NEMP2: variants seen among roughly 807,000 people sequenced by gnomAD.
NEMP2 encodes UPF0571 transmembrane protein.
NEMP2 carries 53 observed loss-of-function variants against 54.2 expected under a neutral mutation model. The ratio of observed to expected loss-of-function variants is 0.98; its 90% confidence interval spans 0.78 to 1.23. The LOEUF is 1.23. Ranked by LOEUF, NEMP2 falls within the 50% of genes most tolerant of loss-of-function variation. The probability of loss-of-function intolerance (pLI) is 0.00; values close to 1 mark genes in which losing one functional copy is unlikely to be tolerated. For synonymous variants in NEMP2, 197 were observed against 190.3 expected (o/e 1.04, Z -0.29); for missense variants, 455 against 511.3 (o/e 0.89, Z 1.06).
the NEMP2 span, among the ~76,000 whole-genome samples, chr2:190,602,980 G>A: frequency 1.3e-5 from 2 of 152,276 alleles, no homozygotes; most frequent in East Asian, 3.9e-4. Context: ...GTGGTCACCA[G>A]AGACCATATG....
the NEMP2 span, chr2:190,437,137 A>G: frequency 6.2e-7 from 1 of 1,614,122 alleles, no homozygotes; most frequent in Admixed American, 1.7e-5. The surrounding 1 kb of genome is among the most constrained non-coding windows in gnomAD (Gnocchi z 5.9). Flanking sequence ...GAATTACCAG[A>G]TCGTCTTCAT....
In NEMP2 at chr2:190,531,106, A is replaced by C. The variant is rs1691129364; in HGVS notation, c.97+3453T>G. Among the ~76,000 whole-genome samples, 1 of 152,270 alleles carries C rather than the reference A, an allele frequency of 6.6e-6. No individual in the cohort carries two copies. The highest frequency in any genetic ancestry group is 2.4e-5 in the African/African-American group (1 of 41,470). On this transcript the variant is annotated intron_variant, in intron 1 of 8. Coordinates refer to ENST00000409150, the MANE Select transcript of NEMP2 (RefSeq NM_001142645.2). The surrounding 1 kb of genome is among the most constrained non-coding windows in gnomAD (Gnocchi z 4.7). ...AATCCCCTTACAATGCAATCCAGGA[A>C]ATGAAACAGAATTTCTAGGAATTTT...
chr2:190,436,178 C>T, the NEMP2 span: 5 of 1,614,040 alleles, frequency 3.1e-6, no homozygotes, highest in African/African-American at 1.3e-5. The surrounding 1 kb of genome is among the most constrained non-coding windows in gnomAD (Gnocchi z 5.3). Context: ...TCTGCTATTC[C>T]TGAGGAGGAA....
chr2:190,477,957 C>G, the NEMP2 span, among the ~76,000 whole-genome samples: 1 of 152,120 alleles, frequency 6.6e-6, no homozygotes, highest in Admixed American at 6.5e-5. Flanking sequence ...GGGGGAAGAG[C>G]TGTGTGCGAA....
At chr2:190,587,943 A>G in the NEMP2 span, among the ~76,000 whole-genome samples, 2 of 152,150 alleles carry the variant, frequency 1.3e-5, no homozygotes, top group Non-Finnish European at 2.9e-5. This position sits in a 1 kb window ranked among gnomAD's most constrained non-coding sequence, Gnocchi z 5.4. Flanking sequence ...AGAGACACAC[A>G]TCTACACTGA....
Position 190,523,639 on chromosome 2 carries a change from C to A in NEMP2, c.213+1624G>T, listed in dbSNP as rs1292357300. On this transcript the variant is annotated intron_variant, in intron 2 of 8. Coordinates refer to ENST00000409150, the MANE Select transcript of NEMP2 (RefSeq NM_001142645.2). This position sits in a 1 kb window ranked among gnomAD's most constrained non-coding sequence, Gnocchi z 5.3. ...AAATGTTATGATTCCAGAGCTAAGT[C>A]TATGAAATTACACACGCCTAGAACA... Among the ~76,000 whole-genome samples the A allele has an allele frequency of 6.6e-6, 1 of 152,062 alleles. No individual in the cohort carries two copies. Among genetic ancestry groups the A allele is most frequent in the Non-Finnish European group, 1.5e-5 (1 of 68,026 alleles).
At chr2:190,454,845 T>C in the NEMP2 span, among the ~76,000 whole-genome samples, 1 of 152,120 alleles carries the variant, frequency 6.6e-6, no homozygotes, top group African/African-American at 2.4e-5. This position sits in a 1 kb window ranked among gnomAD's most constrained non-coding sequence, Gnocchi z 4.6. Flanking sequence ...TAGGGACCTA[T>C]GGCCTAACAT....
chr2:190,607,160 C>T, the NEMP2 span, among the ~76,000 whole-genome samples: 1 of 152,048 alleles, frequency 6.6e-6, no homozygotes, highest in African/African-American at 2.4e-5. The surrounding 1 kb of genome is among the most constrained non-coding windows in gnomAD (Gnocchi z 5.2). Flanking sequence ...ATCTTGTCAG[C>T]GGAAACATGA....
At chr2:190,552,039 A>T in the NEMP2 span, among the ~76,000 whole-genome samples, 1 of 152,174 alleles carries the variant, frequency 6.6e-6, no homozygotes, top group African/African-American at 2.4e-5. Flanking sequence ...TCTAGAGAGA[A>T]ATCGTAAGAT....
chr2:190,516,806 T>C (rs1040206190), intron 5 of NEMP2, among the ~76,000 whole-genome samples: 1 of 152,180 alleles, frequency 6.6e-6, no homozygotes, highest in Non-Finnish European at 1.5e-5. Flanking sequence ...TTATTGAAGG[T>C]GTAGCCGGGC....
At chr2:190,642,255 A>G in the NEMP2 span, among the ~76,000 whole-genome samples, 26 of 152,320 alleles carry the variant, frequency 1.7e-4, 2 homozygotes, top group South Asian at 4.8e-3. The surrounding 1 kb of genome is among the most constrained non-coding windows in gnomAD (Gnocchi z 4.1). Flanking sequence ...AGATTGCATT[A>G]TAAGTTCAAA....
intron 6 of NEMP2, among the ~76,000 whole-genome samples, chr2:190,516,030 G>A (rs1690543424): frequency 6.6e-6 from 1 of 151,942 alleles, no homozygotes; most frequent in Non-Finnish European, 1.5e-5. Flanking sequence ...TTCCTCTTTT[G>A]ATCATTACTA....
the NEMP2 span, among the ~76,000 whole-genome samples, chr2:190,443,308 T>A: frequency 6.6e-6 from 1 of 152,210 alleles, no homozygotes; most frequent in Non-Finnish European, 1.5e-5. This position sits in a 1 kb window ranked among gnomAD's most constrained non-coding sequence, Gnocchi z 4.2. Flanking sequence ...TACAGAACTT[T>A]TTGCATCTCT....
chr2:190,486,988 A>G, the NEMP2 span, among the ~76,000 whole-genome samples: 1 of 152,210 alleles, frequency 6.6e-6, no homozygotes. Flanking sequence ...TAAATGGTGA[A>G]GATATAAAAC....
the NEMP2 span, among the ~76,000 whole-genome samples, chr2:190,597,560 G>A: frequency 6.6e-6 from 1 of 152,100 alleles, no homozygotes; most frequent in African/African-American, 2.4e-5. The surrounding 1 kb of genome is among the most constrained non-coding windows in gnomAD (Gnocchi z 4.7). Flanking sequence ...GAAAGGGGTA[G>A]TAGAAAGAAT....
At position 190,507,957 on chromosome 2, in the gene NEMP2, T is replaced by C. The variant is rs943766136; in HGVS notation, c.*1232A>G. ...CTTAGCAACATCTTAACCCTGAGAT[T>C]GTCTTGCCATGTTCAAATCTTTCCT... On this transcript the variant is annotated 3_prime_UTR_variant, in exon 9 of 9. Transcript: ENST00000409150. The surrounding 1 kb of genome is among the most constrained non-coding windows in gnomAD (Gnocchi z 4.4). The C allele has an allele frequency of 4.6e-5, 7 of 152,218 alleles. No individual in the cohort carries two copies. The highest frequency in any genetic ancestry group is 1.7e-4 in the African/African-American group (7 of 41,454). 9.4% of individuals were successfully genotyped at this position (152,218 alleles called of 1,614,324 possible).
chr2:190,572,915 G>T, the NEMP2 span, among the ~76,000 whole-genome samples: 1 of 137,000 alleles, frequency 7.3e-6, no homozygotes, highest in South Asian at 2.4e-4. Flanking sequence ...CCCTTAGGAT[G>T]AATTCCCAGA....
chr2:190,637,001 T>A, the NEMP2 span, among the ~76,000 whole-genome samples: 1 of 152,186 alleles, frequency 6.6e-6, no homozygotes. This position sits in a 1 kb window ranked among gnomAD's most constrained non-coding sequence, Gnocchi z 4.5. Context: ...TAGGGGTCCC[T>A]TCTGGCTTCA....
chr2:190,629,591 A>G, the NEMP2 span, among the ~76,000 whole-genome samples: 2 of 152,360 alleles, frequency 1.3e-5, no homozygotes, highest in Middle Eastern at 3.4e-3. Flanking sequence ...CATTTTAAGA[A>G]GAGGTGAGAC....
Sources: gnomAD v4.1 joint callset for allele counts (sites outside exome capture counted in the v4.1 genomes callset) on GRCh38, gnomAD v4.1.1 for gene constraint, Gnocchi (gnomAD v3.1) non-coding constraint, MANE v1.5 for transcripts, NCBI Gene and HGNC (gene_info 2026-07-23, HGNC 2026-07-21) for gene names.